The following COMMD10 variants were observed in gnomAD, a reference collection of about 807,000 sequenced individuals.
COMMD10 encodes the protein COMM domain-containing protein 10.
Under a neutral mutation model 28.9 loss-of-function variants are expected in COMMD10, and 33 were observed. The observed-to-expected ratio is 1.14, with a 90% CI of 0.87 to 1.53. The LOEUF is 1.53. Ranked by LOEUF, COMMD10 falls within the 40% of genes most tolerant of loss-of-function variation. COMMD10 has a pLI of 0.00. For missense variants in COMMD10, 310 were observed against 233.4 expected (o/e 1.33, Z -2.14); for synonymous variants, 110 against 81.7 (o/e 1.35, Z -1.87).
intron 5 of COMMD10, among the ~76,000 whole-genome samples, chr5:116,279,826 T>C (rs1015628826): frequency 6.6e-5 from 10 of 151,818 alleles, no homozygotes; most frequent in Non-Finnish European, 1.5e-4. Flanking sequence ...TTGAAGACTT[T>C]AACCTTGCAT....
At chr5:116,156,769 T>C (rs1402476138) in intron 5 of COMMD10, among the ~76,000 whole-genome samples, 1 of 152,192 alleles carries the variant, frequency 6.6e-6, no homozygotes, top group African/African-American at 2.4e-5. Context: ...GTAGTTACTC[T>C]TCTGCTTTGA....
chr5:116,243,861 A>C (rs950045546), intron 5 of COMMD10, among the ~76,000 whole-genome samples: 1 of 152,158 alleles, frequency 6.6e-6, no homozygotes, highest in African/African-American at 2.4e-5. Context: ...ACATCAAGGC[A>C]GTTTCAGAAA....
chr5:116,158,894 G>T (rs907369595), intron 5 of COMMD10, among the ~76,000 whole-genome samples: 1 of 150,628 alleles, frequency 6.6e-6, no homozygotes, highest in African/African-American at 2.5e-5. Flanking sequence ...TTTATTGACA[G>T]TTTTGTTGTG....
At chr5:116,216,558 A>G (rs1000737319) in intron 5 of COMMD10, among the ~76,000 whole-genome samples, 9 of 152,232 alleles carry the variant, frequency 5.9e-5, no homozygotes, top group African/African-American at 1.7e-4. Context: ...TTTGAGACGG[A>G]GTCTTGCTCT....
At chr5:116,103,376 T>C (rs966084710) in intron 4 of COMMD10, among the ~76,000 whole-genome samples, 5 of 152,254 alleles carry the variant, frequency 3.3e-5, no homozygotes, top group African/African-American at 9.6e-5. Flanking sequence ...TGGCATGAGA[T>C]GGTATCTCAT....
chr5:116,245,398 T>A (rs1319415732), intron 5 of COMMD10, among the ~76,000 whole-genome samples: 1 of 152,118 alleles, frequency 6.6e-6, no homozygotes, highest in Non-Finnish European at 1.5e-5. Flanking sequence ...TATTCACATC[T>A]GAATTCTCCC....
chr5:116,123,201 C>A (rs6873227), intron 4 of COMMD10, among the ~76,000 whole-genome samples: 8,186 of 152,064 alleles, frequency 0.054, 313 homozygotes, highest in African/African-American at 0.11. Flanking sequence ...CAACAAAAGC[C>A]AATGGAAACT....
chr5:116,091,495 GGTAA>G (rs1353937031), intron 3 of COMMD10, among the ~76,000 whole-genome samples: 4 of 152,054 alleles, frequency 2.6e-5, no homozygotes, highest in Admixed American at 1.3e-4. Context: ...TGACTAGGAT[GGTAA>G]GTAAGACATT....
At chr5:116,184,983 G>A (rs988668192) in intron 5 of COMMD10, among the ~76,000 whole-genome samples, 3 of 152,038 alleles carry the variant, frequency 2.0e-5, no homozygotes, top group Admixed American at 6.6e-5. Context: ...AGAATAATAT[G>A]ACTTCCTGAC....
intron 5 of COMMD10, among the ~76,000 whole-genome samples, chr5:116,139,883 G>A (rs1752140544): frequency 6.6e-6 from 1 of 151,506 alleles, no homozygotes; most frequent in Non-Finnish European, 1.5e-5. Context: ...TACCTTTTTT[G>A]TGTTTGTGGT....
At chr5:116,184,298 T>G (rs1748070256) in intron 5 of COMMD10, among the ~76,000 whole-genome samples, 1 of 120,044 alleles carries the variant, frequency 8.3e-6, no homozygotes, top group African/African-American at 3.2e-5. Context: ...TTATTTTTCT[T>G]AACTATATAT....
chr5:116,288,546 C>G lies in COMMD10; in HGVS notation c.511-2971C>G, dbSNP rs561247289. Among the ~76,000 whole-genome samples, 5 of 151,802 alleles carry G rather than the reference C, an allele frequency of 3.3e-5. No homozygotes were observed. In the South Asian group the frequency reaches 1.0e-3, roughly 31 times the overall value. On this transcript the variant is annotated intron_variant, in intron 5 of 6. Transcript: ENST00000274458. ...GATAAGCTCTCTTATTTTTTTCTCT[C>G]TTACTTTCCCTTCTGGAATACCCAT...
chr5:116,170,646 C>T (rs1395421566), intron 5 of COMMD10, among the ~76,000 whole-genome samples: 1 of 152,118 alleles, frequency 6.6e-6, no homozygotes, highest in Admixed American at 6.6e-5. Flanking sequence ...ATATATATAC[C>T]AGTGGAACAG....
chr5:116,208,320 C>T (rs1561667800), intron 5 of COMMD10, among the ~76,000 whole-genome samples: 1 of 152,054 alleles, frequency 6.6e-6, no homozygotes, highest in African/African-American at 2.4e-5. Flanking sequence ...GGAATACCCT[C>T]TGTTCACCTC....
chr5:116,222,727 T>A (rs1031627300), intron 5 of COMMD10, among the ~76,000 whole-genome samples: 2 of 152,206 alleles, frequency 1.3e-5, no homozygotes, highest in Non-Finnish European at 2.9e-5. Context: ...AGTCTTGCTC[T>A]GTTGCCCAGG....
intron 5 of COMMD10, among the ~76,000 whole-genome samples, chr5:116,219,250 G>A (rs1430778435): frequency 1.3e-5 from 2 of 152,114 alleles, no homozygotes; most frequent in Admixed American, 6.5e-5. Context: ...GTGGCATTTC[G>A]TTAATGGCAG....
chr5:116,098,093 C>A (rs1169799988), intron 4 of COMMD10, among the ~76,000 whole-genome samples: 1 of 152,122 alleles, frequency 6.6e-6, no homozygotes, highest in Non-Finnish European at 1.5e-5. Flanking sequence ...CCCAAGTGGT[C>A]CATGATGAAA....
intron 5 of COMMD10, among the ~76,000 whole-genome samples, chr5:116,189,792 A>G (rs1422191088): frequency 6.6e-6 from 1 of 152,182 alleles, no homozygotes; most frequent in East Asian, 1.9e-4. Context: ...GAACAGTACT[A>G]TTTTCAAGAA....
At chr5:116,172,685 A>G (rs1183311130) in intron 5 of COMMD10, among the ~76,000 whole-genome samples, 2 of 152,164 alleles carry the variant, frequency 1.3e-5, no homozygotes, top group African/African-American at 4.8e-5. Flanking sequence ...CTTTTAGAGC[A>G]ACAGCCCTGA....
Sources: gnomAD v4.1 joint callset for allele counts (sites outside exome capture counted in the v4.1 genomes callset) on GRCh38, gnomAD v4.1.1 for gene constraint, MANE v1.5 for transcripts, NCBI Gene and HGNC (gene_info 2026-07-23, HGNC 2026-07-21) for gene names.